ADGRF5: variants seen among roughly 807,000 people sequenced by gnomAD.
ADGRF5 encodes G-protein coupled receptor 116.
In ADGRF5, 75 loss-of-function variants were observed where a neutral mutation model predicts 132.3. The observed-to-expected ratio is 0.57, with a 90% CI of 0.47 to 0.69. ADGRF5 has a LOEUF of 0.69. Ranked by LOEUF, ADGRF5 falls within the 30% of genes least tolerant of loss-of-function variation. ADGRF5 has a pLI of 0.00. For missense variants in ADGRF5, 1,516 were observed against 1,630.6 expected, an observed-to-expected ratio of 0.93 and a Z score of 1.21; for synonymous variants, 629 against 597.6, an observed-to-expected ratio of 1.05 and a Z score of -0.77.
chr6:46,952,091 A>G (rs1216330013), intron 1 of ADGRF5, among the ~76,000 whole-genome samples: 2 of 152,142 alleles, frequency 1.3e-5, no homozygotes, highest in Non-Finnish European at 2.9e-5. Flanking sequence ...GGTTCAGAGA[A>G]AAGTTGTGGA....
intron 1 of ADGRF5, among the ~76,000 whole-genome samples, chr6:46,939,052 G>A (rs1164896045): frequency 1.3e-5 from 2 of 152,028 alleles, no homozygotes; most frequent in Non-Finnish European, 2.9e-5. Context: ...TGTATTTTTA[G>A]TAGAGATGGG....
intron 1 of ADGRF5, among the ~76,000 whole-genome samples, chr6:46,928,966 A>G (rs1777395861): frequency 6.6e-6 from 1 of 152,176 alleles, no homozygotes; most frequent in African/African-American, 2.4e-5. Context: ...TAGAAATACC[A>G]TTTGACCCAG....
chr6:46,869,393 C>G, intron 11 of ADGRF5: 8 of 985,354 alleles, frequency 8.1e-6, no homozygotes, highest in Non-Finnish European at 9.6e-6. Context: ...TAAAAGGTTG[C>G]AAACTTAGGG....
chr6:46,863,094 C>A lies in ADGRF5; in HGVS notation c.1993G>T (p.Glu665Ter). 3.1e-6 allele frequency: 5 copies of A among 1,611,084 alleles called. No individual in the cohort carries two copies. The highest frequency in any genetic ancestry group is 4.2e-6 in the Non-Finnish European group (5 of 1,177,304). ...ACGGGATCCTGGCATGTGATGTTTT[C>A]CCCTGTGTTGGAAACATTGAAATAA... ...PSMKLNLVPG[E>*]NITCQDPVIG... is the part of the protein sequence containing the mutation. Residue 665 changes from glutamate to a stop codon, truncating the protein, a stop_gained and splice_region_variant, in exon 15 of 21, where the codon GAA (glutamate) becomes TAA (stop). Coordinates refer to ENST00000283296, the MANE Select transcript of ADGRF5 (RefSeq NM_001098518.2). LOFTEE classifies it high-confidence loss of function.
At chr6:46,941,563 C>T (rs1175480187) in intron 1 of ADGRF5, among the ~76,000 whole-genome samples, 1 of 151,976 alleles carries the variant, frequency 6.6e-6, no homozygotes, top group East Asian at 1.9e-4. Context: ...AAGTGAGGCC[C>T]AGTAACCAGT....
chr6:46,863,016 T>C lies in ADGRF5; in HGVS notation c.2071A>G (p.Asn691Asp), dbSNP rs770372772. ...GGACTCTCAGGGCTGCTGGGAACGT[T>C]TGAGAACCGGCATAGCTTCTGGATG... is the stretch of plus-strand genomic sequence containing the variant. Reference protein sequence around the residue: ...KVIQKLCRFSNVPSSPESPIG... With the variant: ...KVIQKLCRFSDVPSSPESPIG... The change falls in exon 15 of 21, where the codon AAC (asparagine) becomes GAC (aspartate). Residue 691 changes from asparagine (N) to aspartate (D), a missense_variant. Physicochemically the swap from Asn to Asp is conservative, Grantham distance 23. Transcript: ENST00000283296. 6.2e-6 allele frequency: 10 copies of C among 1,613,942 alleles called. No homozygotes were observed. Among genetic ancestry groups the C allele is most frequent in the Non-Finnish European group, 8.5e-6 (10 of 1,179,864 alleles).
chr6:46,888,257 C>T, intron 4 of ADGRF5, 78 bp downstream of exon 4: 1 of 1,031,428 alleles, frequency 9.7e-7, no homozygotes, highest in Non-Finnish European at 1.5e-6. Flanking sequence ...TAAAAGATTG[C>T]TCTGATACTC....
intron 3 of ADGRF5, among the ~76,000 whole-genome samples, chr6:46,889,524 T>C (rs1291645791): frequency 7.0e-6 from 1 of 143,482 alleles, no homozygotes; most frequent in African/African-American, 2.6e-5. Context: ...TATAGTCTAC[T>C]CTATGTTTAT....
At chr6:46,951,030 C>G (rs1201154115) in intron 1 of ADGRF5, among the ~76,000 whole-genome samples, 1 of 152,244 alleles carries the variant, frequency 6.6e-6, no homozygotes, top group Non-Finnish European at 1.5e-5. Context: ...ATAGTCCAGG[C>G]TGATCTCAAA....
intron 13 of ADGRF5, among the ~76,000 whole-genome samples, chr6:46,866,558 T>C (rs892684671): frequency 6.6e-6 from 1 of 152,128 alleles, no homozygotes; most frequent in Admixed American, 6.5e-5. Flanking sequence ...CTTTCTTACA[T>C]GCTCAATTAT....
At chr6:46,868,734 A>G in intron 12 of ADGRF5, 149 bp downstream of exon 12, 1 of 588,838 alleles carries the variant, frequency 1.7e-6, no homozygotes, top group African/African-American at 1.8e-5. Context: ...TCTTCCCTCA[A>G]AGGAATGTTG....
chr6:46,908,026 C>T (rs1190257749), intron 1 of ADGRF5: 1 of 152,116 alleles, frequency 6.6e-6, no homozygotes, highest in Non-Finnish European at 1.5e-5. Flanking sequence ...TAAGCATGGC[C>T]AGGATAACAC....
Position 46,853,696 on chromosome 6 carries a change from G to A in ADGRF5, c.*296C>T, listed in dbSNP as rs181603689. ...GTGTAAAAAGTGAAAATGTCTCTTCGAAATTCTATATTACAATATAGACAG... is the reference window on the plus strand; with the variant it reads ...GTGTAAAAAGTGAAAATGTCTCTTCAAAATTCTATATTACAATATAGACAG... On this transcript the variant is annotated 3_prime_UTR_variant, in exon 21 of 21. Coordinates refer to ENST00000283296, the MANE Select transcript of ADGRF5 (RefSeq NM_001098518.2). 4.3e-5 allele frequency: 8 copies of A among 187,000 alleles called. No individual in the cohort carries two copies. The East Asian group carries it at 1.2e-3, about 29-fold the overall frequency. 11.6% of individuals were successfully genotyped at this position (187,000 alleles called of 1,614,324 possible).
At chr6:46,916,223 C>T (rs1483712688) in intron 1 of ADGRF5, among the ~76,000 whole-genome samples, 1 of 152,218 alleles carries the variant, frequency 6.6e-6, no homozygotes, top group Non-Finnish European at 1.5e-5. Context: ...TATCTCTTTC[C>T]TCTGCATGCC....
Position 46,858,997 on chromosome 6 carries a change from T to C in ADGRF5, c.2906A>G (p.Asp969Gly). ...FRLANNTGGW[D>G]SSGCYVEEGD... ...TTCTTCTACATAGCACCCACTGCTG[T>C]CCCACCCCCCTGTGTTGTTGGCAAG... Residue 969 changes from aspartate to glycine, a missense_variant, in exon 17 of 21, where the codon GAC becomes GGC. Coordinates refer to ENST00000283296, the MANE Select transcript of ADGRF5 (RefSeq NM_001098518.2). 2 of 1,614,158 alleles carry C rather than the reference T, an allele frequency of 1.2e-6. No individual in the cohort carries two copies. Among genetic ancestry groups the C allele is most frequent in the Non-Finnish European group, 1.7e-6 (2 of 1,180,022 alleles).
intron 2 of ADGRF5, chr6:46,905,360 A>C (rs1316461020): frequency 1.3e-5 from 2 of 152,222 alleles, no homozygotes; most frequent in African/African-American, 4.8e-5. Context: ...GAAATAAAGA[A>C]AAGACAAAGA....
At chr6:46,890,440 G>A (rs912679538) in intron 3 of ADGRF5, among the ~76,000 whole-genome samples, 1 of 152,064 alleles carries the variant, frequency 6.6e-6, no homozygotes, top group East Asian at 1.9e-4. Flanking sequence ...AAAGTAGGGC[G>A]GGCGCCATGG....
chr6:46,860,596 A>G (rs1769624509), intron 16 of ADGRF5, 119 bp downstream of exon 16: 1 of 660,802 alleles, frequency 1.5e-6, no homozygotes, highest in African/African-American at 1.8e-5. Context: ...AACTATCCTG[A>G]GCACTGCTCT....
chr6:46,877,425 CAT>C (rs1432050099), intron 10 of ADGRF5, among the ~76,000 whole-genome samples: 3 of 148,582 alleles, frequency 2.0e-5, no homozygotes, highest in Admixed American at 6.8e-5. Context: ...TTGGATAAGT[CAT>C]ATAATCTGAA....
Sources: gnomAD v4.1 joint callset for allele counts (sites outside exome capture counted in the v4.1 genomes callset) on GRCh38, gnomAD v4.1.1 for gene constraint, MANE v1.5 for transcripts, NCBI Gene and HGNC (gene_info 2026-07-23, HGNC 2026-07-21) for gene names.